Variants in PRKD1 observed in about 807,000 individuals in gnomAD.
The protein encoded by PRKD1 is protein kinase D1, also known as serine/threonine-protein kinase D1.
Under a neutral mutation model 95.9 loss-of-function variants are expected in PRKD1, and 63 were observed. That is an observed-to-expected ratio of 0.66 (90% CI 0.54 to 0.81). The LOEUF is 0.81. PRKD1 is among the 30% of genes least tolerant of loss of function. The pLI is 0.00. For missense variants in PRKD1, 1,048 were observed against 1,165.3 expected (o/e 0.90, Z 1.47); for synonymous variants, 425 against 423.1 (o/e 1.00, Z -0.05).
intron 1 of PRKD1, among the ~76,000 whole-genome samples, chr14:29,732,742 G>C (rs950555411): frequency 6.6e-6 from 1 of 152,012 alleles, no homozygotes; most frequent in South Asian, 2.1e-4. Context: ...GTATGTTAAT[G>C]TTTTTAGCTC....
At chr14:29,783,130 G>A (rs549514383) in intron 1 of PRKD1, among the ~76,000 whole-genome samples, 5 of 152,136 alleles carry the variant, frequency 3.3e-5, no homozygotes, top group South Asian at 2.1e-4. Context: ...GTTTGTACCC[G>A]ATAACTAACC....
In PRKD1 at chr14:29,632,762, A is replaced by C. The variant is rs185397815; in HGVS notation, c.1392+107T>G. ...AAAAAAAATAGTTCCTGGAGGAAGC[A>C]CAAAAATAGCCACGTTTGTTGGATG... On this transcript the variant is annotated intron_variant, in intron 9 of 17. Transcript: ENST00000331968. 3.3e-4 allele frequency: 348 copies of C among 1,052,796 alleles called. 2 individuals carry two copies. In the African/African-American group the frequency reaches 4.8e-3, roughly 15 times the overall value. 65.2% of individuals were successfully genotyped at this position (1,052,796 alleles called of 1,614,324 possible).
intron 1 of PRKD1, among the ~76,000 whole-genome samples, chr14:29,814,065 T>C (rs1890596624): frequency 6.6e-6 from 1 of 152,222 alleles, no homozygotes; most frequent in Non-Finnish European, 1.5e-5. Context: ...AAAGACTGAA[T>C]TAATGAATGG....
intron 2 of PRKD1, among the ~76,000 whole-genome samples, chr14:29,680,130 C>T (rs1400790945): frequency 2.0e-5 from 3 of 152,158 alleles, no homozygotes; most frequent in Non-Finnish European, 4.4e-5. Flanking sequence ...CTCTAGAATG[C>T]AATAACATAG....
intron 13 of PRKD1, among the ~76,000 whole-genome samples, chr14:29,605,300 C>A (rs1268390314): frequency 6.6e-5 from 10 of 152,170 alleles, no homozygotes; most frequent in Non-Finnish European, 4.4e-5. Flanking sequence ...GGTGCCTACC[C>A]TTAGCAAGGC....
chr14:29,755,802 C>T (rs1017476313), intron 1 of PRKD1, among the ~76,000 whole-genome samples: 2 of 152,172 alleles, frequency 1.3e-5, no homozygotes, highest in Non-Finnish European at 2.9e-5. Flanking sequence ...AGACAAGGCA[C>T]TGTATGCAGT....
chr14:29,865,725 C>T (rs1892874409), intron 1 of PRKD1, among the ~76,000 whole-genome samples: 1 of 152,184 alleles, frequency 6.6e-6, no homozygotes, highest in African/African-American at 2.4e-5. Context: ...TCTGTTACAG[C>T]AGCATAAAAG....
Position 29,634,417 on chromosome 14 carries a change from C to G in PRKD1, c.1314+1G>C. The G allele has an allele frequency of 8.7e-6, 14 of 1,613,996 alleles. No individual in the cohort carries two copies. Among genetic ancestry groups the G allele is most frequent in the Non-Finnish European group, 1.1e-5 (13 of 1,179,918 alleles). The stretch of plus-strand genomic sequence containing the variant: ...AGAACATTGTTCCCTGTGGATCTTA[C>G]CAGCGTGTCCTTGCTGGTGTAGTGG... On this transcript the variant is annotated splice_donor_variant, in intron 8 of 17. Transcript: ENST00000331968. LOFTEE classifies it high-confidence loss of function.
intron 1 of PRKD1, among the ~76,000 whole-genome samples, chr14:29,782,506 T>C (rs1223276388): frequency 6.6e-6 from 1 of 152,200 alleles, no homozygotes; most frequent in African/African-American, 2.4e-5. Context: ...TATTCTAATG[T>C]AATAGTTAAA....
intron 1 of PRKD1, among the ~76,000 whole-genome samples, chr14:29,838,921 T>A (rs1891719047): frequency 1.3e-5 from 2 of 151,968 alleles, no homozygotes; most frequent in Admixed American, 6.6e-5. Context: ...AACATCAAAT[T>A]TATGGTAAAA....
chr14:29,666,930 G>A (rs1448031255), intron 2 of PRKD1, among the ~76,000 whole-genome samples: 7 of 152,060 alleles, frequency 4.6e-5, no homozygotes, highest in Admixed American at 6.5e-5. Context: ...TGCTTATTCT[G>A]TATGGTACTC....
intron 16 of PRKD1, among the ~76,000 whole-genome samples, chr14:29,589,903 T>A (rs1436639121): frequency 1.3e-5 from 2 of 152,186 alleles, no homozygotes; most frequent in Non-Finnish European, 2.9e-5. Flanking sequence ...ATATTTAAAA[T>A]TTTTCTTCTA....
intron 2 of PRKD1, among the ~76,000 whole-genome samples, chr14:29,675,972 C>G (rs570235699): frequency 8.3e-6 from 1 of 120,644 alleles, no homozygotes; most frequent in African/African-American, 3.3e-5. Context: ...CACATCGGGG[C>G]CTGTCGTGGG....
chr14:29,848,257 G>C (rs1311256760), intron 1 of PRKD1, among the ~76,000 whole-genome samples: 1 of 151,958 alleles, frequency 6.6e-6, no homozygotes, highest in Non-Finnish European at 1.5e-5. Context: ...TGATCAAAAA[G>C]ATGCAAAAGG....
chr14:29,666,608 T>C (rs1303654187), intron 2 of PRKD1, among the ~76,000 whole-genome samples: 1 of 152,160 alleles, frequency 6.6e-6, no homozygotes, highest in African/African-American at 2.4e-5. Flanking sequence ...AGAAAGTTGA[T>C]GAATTCAGAT....
chr14:29,754,055 G>T (rs889964906), intron 1 of PRKD1, among the ~76,000 whole-genome samples: 6 of 152,154 alleles, frequency 3.9e-5, no homozygotes, highest in Non-Finnish European at 8.8e-5. Context: ...AGTGCCTAAG[G>T]CTTCCTAAAT....
intron 1 of PRKD1, among the ~76,000 whole-genome samples, chr14:29,838,552 A>G (rs1050087368): frequency 6.6e-6 from 1 of 152,188 alleles, no homozygotes; most frequent in Non-Finnish European, 1.5e-5. Flanking sequence ...CAGTGATCAA[A>G]AAAAAGTTCT....
chr14:29,844,542 T>C (rs568524684), intron 1 of PRKD1, among the ~76,000 whole-genome samples: 4 of 152,250 alleles, frequency 2.6e-5, no homozygotes, highest in South Asian at 2.1e-4. Flanking sequence ...GCCAAAAATA[T>C]ATAAATTCAG....
intron 1 of PRKD1, among the ~76,000 whole-genome samples, chr14:29,840,645 T>G (rs55857846): frequency 0.16 from 24,411 of 152,200 alleles, 2,167 homozygotes; most frequent in Middle Eastern, 0.21. Flanking sequence ...TTAATGGACT[T>G]ACAGTTCCAC....
Sources: allele counts gnomAD v4.1 joint callset (sites outside exome capture counted in the v4.1 genomes callset), GRCh38; gene constraint gnomAD v4.1.1; transcripts MANE v1.5; gene names NCBI Gene and HGNC (gene_info 2026-07-23, HGNC 2026-07-21).